KCNB2: variants seen among roughly 807,000 people sequenced by gnomAD.
KCNB2 encodes the protein delayed rectifier potassium channel protein.
A neutral mutation model predicts 61.5 loss-of-function variants in KCNB2; 15 were observed. The ratio of observed to expected loss-of-function variants is 0.24; its 90% CI spans 0.16 to 0.38. KCNB2 has a LOEUF of 0.38. KCNB2 is among the 10% of genes least tolerant of loss of function. KCNB2 has a pLI of 1.00. For missense variants in KCNB2, 828 were observed against 1,125.2 expected, an observed-to-expected ratio of 0.74 and a Z score of 3.78; for synonymous variants, 457 against 446.0, an observed-to-expected ratio of 1.02 and a Z score of -0.31.
At chr8:72,562,319 A>T (rs1440821109) in intron 1 of KCNB2, among the ~76,000 whole-genome samples, 1 of 152,140 alleles carries the variant, frequency 6.6e-6, no homozygotes, top group African/African-American at 2.4e-5. Flanking sequence ...TGTAATTAGG[A>T]TGCCATGATG....
intron 2 of KCNB2, among the ~76,000 whole-genome samples, chr8:72,822,189 C>A (rs1809523665): frequency 6.6e-6 from 1 of 152,254 alleles, no homozygotes; most frequent in South Asian, 2.1e-4. Context: ...CTGCTGCCCT[C>A]TCCTTCAACA....
In KCNB2 at chr8:72,537,422, A is replaced by T. The variant is rs943314632; in HGVS notation, c.-557A>T. ...CGCTGCGCCTCGGGCAGCCCCAGCG[A>T]GCGGCAACTCCCGGGCTGGCGCGGC... On this transcript the variant is annotated 5_prime_UTR_variant, in exon 1 of 3. Transcript: ENST00000523207. 2 of 151,220 alleles carry T rather than the reference A, an allele frequency of 1.3e-5. No individual in the cohort carries two copies. Among genetic ancestry groups the T allele is most frequent in the Non-Finnish European group, 3.0e-5 (2 of 67,528 alleles). The allele number at this position is 151,220 out of a possible 1,614,324, so 9.4% of individuals were successfully genotyped here. A position where few individuals can be genotyped will look rare whatever the true frequency, so the allele number is the denominator to read the frequency against.
At chr8:72,780,430 A>T (rs1443861039) in intron 2 of KCNB2, among the ~76,000 whole-genome samples, 8 of 152,210 alleles carry the variant, frequency 5.3e-5, no homozygotes, top group Admixed American at 5.2e-4. Flanking sequence ...TGAAAAACAA[A>T]GTATTCAAGA....
At chr8:72,934,498 A>G (rs1206181678) in intron 2 of KCNB2, among the ~76,000 whole-genome samples, 1 of 152,134 alleles carries the variant, frequency 6.6e-6, no homozygotes, top group African/African-American at 2.4e-5. Flanking sequence ...TAAAAAGAAG[A>G]AAATGCAGGG....
chr8:72,935,787 G>T, intron 2 of KCNB2, 148 bp from the exon 3 acceptor site: 1 of 681,722 alleles, frequency 1.5e-6, no homozygotes. Context: ...GTTAGTTAGG[G>T]AATTTTAAGT....
At chr8:72,897,381 A>C (rs1806009561) in intron 2 of KCNB2, among the ~76,000 whole-genome samples, 1 of 152,184 alleles carries the variant, frequency 6.6e-6, no homozygotes, top group African/African-American at 2.4e-5. Flanking sequence ...AATATGAGAA[A>C]TTACCTGAAC....
At chr8:72,688,071 G>T (rs1047349644) in intron 2 of KCNB2, among the ~76,000 whole-genome samples, 1 of 152,132 alleles carries the variant, frequency 6.6e-6, no homozygotes, top group Admixed American at 6.5e-5. Flanking sequence ...AAACCTGAGA[G>T]GCAGGGCCCT....
chr8:72,574,135 C>A (rs10100786), intron 2 of KCNB2, among the ~76,000 whole-genome samples: 11 of 152,140 alleles, frequency 7.2e-5, no homozygotes, highest in African/African-American at 2.2e-4. Context: ...GAAAATAAAA[C>A]AGTTAAAATA....
At chr8:72,855,586 G>A (rs1810194287) in intron 2 of KCNB2, among the ~76,000 whole-genome samples, 1 of 152,024 alleles carries the variant, frequency 6.6e-6, no homozygotes, top group African/African-American at 2.4e-5. Flanking sequence ...TCAATTATGT[G>A]TCGATCAATA....
At chr8:72,801,202 T>C (rs1184406806) in intron 2 of KCNB2, among the ~76,000 whole-genome samples, 1 of 152,216 alleles carries the variant, frequency 6.6e-6, no homozygotes, top group East Asian at 1.9e-4. Context: ...TTGGTTTAAA[T>C]AGTACTGTTT....
chr8:72,873,749 TG>T (rs1414032997), intron 2 of KCNB2, among the ~76,000 whole-genome samples: 2 of 152,252 alleles, frequency 1.3e-5, no homozygotes, highest in African/African-American at 4.8e-5. Flanking sequence ...GTAGTGGGCA[TG>T]CCTGTCCTGA....
At chr8:72,707,931 A>G (rs1224466266) in intron 2 of KCNB2, among the ~76,000 whole-genome samples, 1 of 152,194 alleles carries the variant, frequency 6.6e-6, no homozygotes, top group East Asian at 1.9e-4. Flanking sequence ...GGGAGCCCCA[A>G]GAGGTGGTGT....
At chr8:72,557,405 ACTTTT>A (rs10545965) in intron 1 of KCNB2, among the ~76,000 whole-genome samples, 104,516 of 151,300 alleles carry the variant, frequency 0.69, 36,303 homozygotes, top group Admixed American at 0.72. Context: ...CTTTTCTTTT[ACTTTT>A]CTTTATTTTT....
At chr8:72,928,564 T>C (rs1806705564) in intron 2 of KCNB2, among the ~76,000 whole-genome samples, 1 of 152,064 alleles carries the variant, frequency 6.6e-6, no homozygotes, top group Non-Finnish European at 1.5e-5. Flanking sequence ...TAACAAATTA[T>C]GTTTGCAAAT....
intron 2 of KCNB2, among the ~76,000 whole-genome samples, chr8:72,820,266 T>G (rs1458025594): frequency 6.6e-6 from 1 of 152,208 alleles, no homozygotes; most frequent in Non-Finnish European, 1.5e-5. Context: ...CAACAAGTAC[T>G]GGATCACATA....
intron 2 of KCNB2, among the ~76,000 whole-genome samples, chr8:72,663,101 C>T (rs914356898): frequency 5.9e-5 from 9 of 152,020 alleles, no homozygotes; most frequent in Admixed American, 2.6e-4. Context: ...ATTGCTTTAC[C>T]GGGGTTAGCT....
intron 2 of KCNB2, among the ~76,000 whole-genome samples, chr8:72,766,525 T>A (rs1420965164): frequency 1.3e-5 from 2 of 152,212 alleles, no homozygotes; most frequent in African/African-American, 2.4e-5. Flanking sequence ...ATCACAATTT[T>A]TTCCTGTGAG....
At chr8:72,763,874 G>A (rs1808422933) in intron 2 of KCNB2, among the ~76,000 whole-genome samples, 1 of 152,182 alleles carries the variant, frequency 6.6e-6, no homozygotes, top group African/African-American at 2.4e-5. Context: ...GTTTCCCAGA[G>A]GAGGAGACCC....
At chr8:72,907,873 A>T (rs1436682256) in intron 2 of KCNB2, among the ~76,000 whole-genome samples, 1 of 152,190 alleles carries the variant, frequency 6.6e-6, no homozygotes, top group African/African-American at 2.4e-5. Context: ...TACAACCTGA[A>T]TTAATAAGTT....
Sources: allele counts gnomAD v4.1 joint callset (sites outside exome capture counted in the v4.1 genomes callset), GRCh38; gene constraint gnomAD v4.1.1; transcripts MANE v1.5; gene names NCBI Gene and HGNC (gene_info 2026-07-23, HGNC 2026-07-21).